The following SLC36A1 variants were observed in gnomAD, a reference collection of about 807,000 sequenced individuals.
SLC36A1 encodes the protein proton-coupled amino acid transporter 1.
In SLC36A1, 30 loss-of-function variants were observed where a neutral mutation model predicts 47.5. The observed-to-expected ratio is 0.63, with a 90% CI of 0.47 to 0.86. SLC36A1 has a LOEUF of 0.86. Among genes scored for constraint, SLC36A1 ranks in the 40% least tolerant of loss-of-function variants. The pLI is 0.00. For missense variants in SLC36A1, 517 were observed against 606.0 expected (o/e 0.85, Z 1.54); for synonymous variants, 255 against 249.7 (o/e 1.02, Z -0.20).
chr5:151,467,923 C>G lies in SLC36A1; in HGVS notation c.721C>G (p.Gln241Glu). 1 of 1,612,934 alleles carries G rather than the reference C, an allele frequency of 6.2e-7. No homozygotes were observed. Among genetic ancestry groups the G allele is most frequent in the East Asian group, 2.2e-5 (1 of 44,818 alleles). Residue 241 changes from glutamine to glutamate, a missense_variant and splice_region_variant, in exon 7 of 11, where the codon CAG (glutamine) becomes GAG (glutamate). Gln to Glu is a conservative substitution (Grantham distance 29). Transcript: ENST00000243389. ...SLVMIYQFIV[Q>E]RIPDPSHLPL... ...GGTCATGATCTACCAGTTCATTGTTCAGGTACATGCCTAGGCCCTCTCCTA... is the reference window on the plus strand; with the variant it reads ...GGTCATGATCTACCAGTTCATTGTTGAGGTACATGCCTAGGCCCTCTCCTA...
At chr5:151,394,791 G>A in the SLC36A1 span, among the ~76,000 whole-genome samples, 5 of 152,218 alleles carry the variant, frequency 3.3e-5, no homozygotes, top group African/African-American at 1.2e-4. Context: ...ACCCAGGCGT[G>A]TGAAGTGTCA....
chr5:151,446,457 G>C (rs1036362316), upstream of SLC36A1, among the ~76,000 whole-genome samples: 21 of 152,120 alleles, frequency 1.4e-4, no homozygotes, highest in Admixed American at 1.2e-3. Context: ...TTGAATCCAG[G>C]AGGCAGAGGT....
chr5:151,528,205 A>G, the SLC36A1 span: 3 of 1,565,696 alleles, frequency 1.9e-6, no homozygotes, highest in South Asian at 2.4e-5. Flanking sequence ...GGGGAAACAG[A>G]TATGTCCCTG....
downstream of SLC36A1, among the ~76,000 whole-genome samples, chr5:151,496,258 G>C (rs1015195921): frequency 1.3e-5 from 2 of 152,182 alleles, no homozygotes; most frequent in African/African-American, 4.8e-5. Context: ...CGCTTAAGAT[G>C]TGACCTGCTC....
chr5:151,517,318 T>C, the SLC36A1 span, among the ~76,000 whole-genome samples: 1 of 152,140 alleles, frequency 6.6e-6, no homozygotes, highest in Non-Finnish European at 1.5e-5. Flanking sequence ...ACTGGCCTAT[T>C]ACTCAGCAAA....
the SLC36A1 span, among the ~76,000 whole-genome samples, chr5:151,365,609 T>C: frequency 1.8e-4 from 28 of 152,154 alleles, no homozygotes; most frequent in African/African-American, 6.8e-4. Context: ...AGAGGAAAAG[T>C]CACTTGTCTA....
At chr5:151,474,178 A>AG (rs1554114840) in intron 8 of SLC36A1, among the ~76,000 whole-genome samples, 10 of 119,008 alleles carry the variant, frequency 8.4e-5, no homozygotes, top group East Asian at 2.5e-4. Flanking sequence ...AAAAAAAAAA[A>AG]AGAAATTATC....
At chr5:151,354,984 G>A in the SLC36A1 span, among the ~76,000 whole-genome samples, 2,485 of 152,264 alleles carry the variant, frequency 0.016, 56 homozygotes, top group African/African-American at 0.056. Context: ...AACATTAAGA[G>A]CTATAATGCA....
the SLC36A1 span, among the ~76,000 whole-genome samples, chr5:151,352,218 A>G: frequency 6.6e-6 from 1 of 151,618 alleles, no homozygotes; most frequent in Non-Finnish European, 1.5e-5. Context: ...TCTCAGTCAT[A>G]CCCCTGCTTT....
At chr5:151,495,345 G>T (rs927417050), downstream of SLC36A1, among the ~76,000 whole-genome samples, 1 of 152,156 alleles carries the variant, frequency 6.6e-6, no homozygotes, top group Admixed American at 6.5e-5. Flanking sequence ...TTTTTATTGG[G>T]AAATAATTGT....
At chr5:151,378,058 T>C in the SLC36A1 span, 1 of 310,146 alleles carries the variant, frequency 3.2e-6, no homozygotes, top group Admixed American at 3.8e-5. Context: ...TGAGCAAGGG[T>C]GATGTGATCT....
At chr5:151,411,370 G>C in the SLC36A1 span, among the ~76,000 whole-genome samples, 2 of 144,914 alleles carry the variant, frequency 1.4e-5, 1 homozygote, top group East Asian at 4.7e-4. Flanking sequence ...ATCAGGTATA[G>C]TTTCTATTGG....
the SLC36A1 span, chr5:151,543,979 T>C: frequency 6.2e-7 from 1 of 1,614,194 alleles, no homozygotes. Flanking sequence ...GGCTTCATAT[T>C]GAGGTTGTCT....
the SLC36A1 span, among the ~76,000 whole-genome samples, chr5:151,520,160 G>A: frequency 6.6e-6 from 1 of 152,212 alleles, no homozygotes; most frequent in African/African-American, 2.4e-5. Flanking sequence ...ATGATATCCC[G>A]AATGCCAGGC....
At chr5:151,366,301 A>C in the SLC36A1 span, 1 of 167,250 alleles carries the variant, frequency 6.0e-6, no homozygotes, top group South Asian at 1.4e-4. Context: ...TATACACATT[A>C]GCAATTAAAG....
the SLC36A1 span, among the ~76,000 whole-genome samples, chr5:151,499,547 T>C: frequency 2.6e-5 from 4 of 152,212 alleles, no homozygotes; most frequent in Non-Finnish European, 4.4e-5. Context: ...CCAACAGATG[T>C]CGTTTTCCCC....
chr5:151,534,798 C>T, the SLC36A1 span, among the ~76,000 whole-genome samples: 52 of 151,754 alleles, frequency 3.4e-4, no homozygotes, highest in African/African-American at 1.2e-3. Context: ...AAGCCTGTAT[C>T]CCCCCATACC....
chr5:151,450,500 TG>T (rs1753489921), intron 1 of SLC36A1, among the ~76,000 whole-genome samples: 1 of 139,250 alleles, frequency 7.2e-6, no homozygotes, highest in African/African-American at 2.7e-5. Flanking sequence ...TGGACGGAAC[TG>T]GTGTCCACTT....
At chr5:151,507,137 T>A in the SLC36A1 span, 9 of 1,537,056 alleles carry the variant, frequency 5.9e-6, no homozygotes, top group Non-Finnish European at 7.9e-6. Context: ...AGGCTAAGCG[T>A]CTCTGGCTAT....
Sources: allele counts gnomAD v4.1 joint callset (sites outside exome capture counted in the v4.1 genomes callset), GRCh38; gene constraint gnomAD v4.1.1; transcripts MANE v1.5; gene names NCBI Gene and HGNC (gene_info 2026-07-23, HGNC 2026-07-21).